Variants in CDK14 observed in about 807,000 individuals in gnomAD.
CDK14 encodes cyclin-dependent kinase 14.
A neutral mutation model predicts 60.7 loss-of-function variants in CDK14; 34 were observed. The observed-to-expected ratio is 0.56, with a 90% CI of 0.43 to 0.75. The LOEUF is 0.75. Among genes scored for constraint, CDK14 ranks in the 30% least tolerant of loss-of-function variants. CDK14 has a pLI of 0.00. For synonymous variants in CDK14, 197 were observed against 203.7 expected (o/e 0.97, Z 0.28); for missense variants, 482 against 564.1 (o/e 0.85, Z 1.47).
chr7:90,833,245 A>G (rs779402171), intron 5 of CDK14, among the ~76,000 whole-genome samples: 6 of 152,202 alleles, frequency 3.9e-5, no homozygotes, highest in Non-Finnish European at 7.3e-5. Flanking sequence ...TTGTGAAACC[A>G]TTAGTCACAC....
intron 2 of CDK14, among the ~76,000 whole-genome samples, chr7:90,656,918 A>G (rs1800764261): frequency 6.6e-6 from 1 of 152,210 alleles, no homozygotes; most frequent in Non-Finnish European, 1.5e-5. Context: ...TTTCATAGAA[A>G]ATGACTTAGG....
At chr7:90,652,817 A>G (rs1485203997) in intron 2 of CDK14, among the ~76,000 whole-genome samples, 1 of 152,238 alleles carries the variant, frequency 6.6e-6, no homozygotes, top group African/African-American at 2.4e-5. Flanking sequence ...ACACACATCT[A>G]CAAAGTGACG....
chr7:90,608,362 C>T (rs887352825), intron 2 of CDK14, among the ~76,000 whole-genome samples: 11 of 152,124 alleles, frequency 7.2e-5, no homozygotes, highest in African/African-American at 2.2e-4. Flanking sequence ...AAAATTACCA[C>T]GCGTAAAACC....
At chr7:91,177,413 C>T (rs1264202840) in intron 14 of CDK14, among the ~76,000 whole-genome samples, 1,292 of 101,182 alleles carry the variant, frequency 0.013, no homozygotes, top group African/African-American at 0.018. Context: ...ACAGGGATAC[C>T]CTCTCTCACC....
intron 14 of CDK14, among the ~76,000 whole-genome samples, chr7:91,159,816 G>A (rs34185925): frequency 2.0e-5 from 3 of 152,056 alleles, no homozygotes; most frequent in South Asian, 4.2e-4. Flanking sequence ...TGGGTTCTGG[G>A]GTATGGCCAT....
At chr7:91,010,745 TTTCC>T (rs1394913591) in intron 10 of CDK14, among the ~76,000 whole-genome samples, 2 of 150,310 alleles carry the variant, frequency 1.3e-5, no homozygotes, top group East Asian at 3.9e-4. Flanking sequence ...TCCTTCCTTC[TTTCC>T]TTCCTTCTTT....
intron 4 of CDK14, among the ~76,000 whole-genome samples, chr7:90,755,519 C>G (rs1003140923): frequency 1.1e-4 from 17 of 152,146 alleles, no homozygotes; most frequent in Admixed American, 9.8e-4. Flanking sequence ...ACTATACTTA[C>G]TACCTGCATG....
At chr7:90,811,506 T>C (rs557949663) in intron 5 of CDK14, among the ~76,000 whole-genome samples, 1 of 152,204 alleles carries the variant, frequency 6.6e-6, no homozygotes, top group East Asian at 1.9e-4. Flanking sequence ...CCTCAAACCA[T>C]AAAAACCCTA....
intron 2 of CDK14, among the ~76,000 whole-genome samples, chr7:90,707,023 T>C (rs552384708): frequency 6.6e-6 from 1 of 152,164 alleles, no homozygotes; most frequent in East Asian, 1.9e-4. Context: ...CCCCAATAAA[T>C]TGTAAGATCT....
At chr7:90,962,506 T>G (rs577175989) in intron 9 of CDK14, among the ~76,000 whole-genome samples, 3 of 151,790 alleles carry the variant, frequency 2.0e-5, no homozygotes, top group Non-Finnish European at 4.4e-5. Context: ...AAAAAAAGTC[T>G]AGTGTGGTTA....
At chr7:91,114,846 C>G (rs1348153665) in intron 13 of CDK14, among the ~76,000 whole-genome samples, 1 of 152,108 alleles carries the variant, frequency 6.6e-6, no homozygotes, top group African/African-American at 2.4e-5. Flanking sequence ...TACTTGTAAA[C>G]ATGTTTACAA....
chr7:90,844,414 G>C (rs1016636472), intron 5 of CDK14, among the ~76,000 whole-genome samples: 1 of 152,166 alleles, frequency 6.6e-6, no homozygotes, highest in Non-Finnish European at 1.5e-5. Flanking sequence ...CTAATACTGT[G>C]TTCGTCTGGA....
At position 90,772,512 on chromosome 7, in the gene CDK14, G is replaced by A. The variant is rs978190900; in HGVS notation, c.465-18061G>A. ...TTGGATCATGTAGGCAGATTTCCCC[G>A]TTGCTGTTCTCATGATAGTGAGTGA... On this transcript the variant is annotated intron_variant, in intron 4 of 14. Transcript: ENST00000380050. 5.3e-5 allele frequency among the ~76,000 whole-genome samples: 8 copies of A among 152,126 alleles called. No homozygotes were observed. In the South Asian group the frequency reaches 8.3e-4, roughly 16 times the overall value.
chr7:90,848,094 A>G (rs947557934), intron 5 of CDK14, among the ~76,000 whole-genome samples: 3 of 151,892 alleles, frequency 2.0e-5, no homozygotes, highest in East Asian at 1.9e-4. Context: ...GTCAAGGCAT[A>G]AGCATGTTTT....
At chr7:91,142,912 G>A (rs753281565) in intron 14 of CDK14, among the ~76,000 whole-genome samples, 4 of 152,182 alleles carry the variant, frequency 2.6e-5, no homozygotes, top group Non-Finnish European at 5.9e-5. Context: ...GATGGATTTT[G>A]TAAGAGATCC....
intron 14 of CDK14, among the ~76,000 whole-genome samples, chr7:91,157,900 A>G (rs1399917950): frequency 6.6e-6 from 1 of 152,008 alleles, no homozygotes; most frequent in Non-Finnish European, 1.5e-5. Flanking sequence ...TACAATGAGT[A>G]TTCTTGGTCA....
chr7:90,691,925 C>A (rs1307977708), intron 2 of CDK14, among the ~76,000 whole-genome samples: 1 of 152,042 alleles, frequency 6.6e-6, no homozygotes, highest in Non-Finnish European at 1.5e-5. Context: ...TTTGGGAGTG[C>A]TGTGAAGGAG....
chr7:90,861,601 G>GA (rs2117215900), intron 5 of CDK14, among the ~76,000 whole-genome samples: 1 of 152,288 alleles, frequency 6.6e-6, no homozygotes, highest in South Asian at 2.1e-4. Flanking sequence ...GCCTCTAGGG[G>GA]AGAGTCAAAC....
In CDK14 at chr7:91,062,038, TG is replaced by T. The variant is rs536528163; in HGVS notation, c.1105+16081del. Among the ~76,000 whole-genome samples the T allele has an allele frequency of 1.6e-4, 24 of 152,354 alleles. No individual in the cohort carries two copies. The South Asian group carries it at 5.0e-3, about 32-fold the overall frequency. ...GCAGGCAGGCCTCCTTGAGCTGCGATGGGCTCCACCCAGTTCGAGCTTCCTG... is the reference window on the plus strand; with the variant it reads ...GCAGGCAGGCCTCCTTGAGCTGCGATGGCTCCACCCAGTTCGAGCTTCCTG... On this transcript the variant is annotated intron_variant, in intron 11 of 14. Coordinates refer to ENST00000380050, the MANE Select transcript of CDK14 (RefSeq NM_001287135.2).
Sources: allele counts gnomAD v4.1 joint callset (sites outside exome capture counted in the v4.1 genomes callset), GRCh38; gene constraint gnomAD v4.1.1; transcripts MANE v1.5; gene names NCBI Gene and HGNC (gene_info 2026-07-23, HGNC 2026-07-21).